RPH3A: variants seen among roughly 807,000 people sequenced by gnomAD.
The protein encoded by RPH3A is rabphilin 3A.
In RPH3A, 48 loss-of-function variants were observed where a neutral mutation model predicts 102.2. The observed-to-expected ratio is 0.47, with a 90% CI of 0.37 to 0.60. The LOEUF (loss-of-function observed/expected upper bound fraction) is 0.60. RPH3A is among the 20% of genes least tolerant of loss of function. RPH3A has a pLI of 0.00. For synonymous variants in RPH3A, 310 were observed against 324.3 expected (o/e 0.96, Z 0.47); for missense variants, 781 against 910.1 (o/e 0.86, Z 1.83).
At chr12:112,698,306 A>C (rs929261908) in intron 1 of RPH3A, among the ~76,000 whole-genome samples, 1 of 152,218 alleles carries the variant, frequency 6.6e-6, no homozygotes, top group Non-Finnish European at 1.5e-5. Context: ...TACAACTACT[A>C]ATAAAAAAAG....
chr12:112,596,216 A>T (rs1350402947), intron 1 of RPH3A, among the ~76,000 whole-genome samples: 1 of 152,160 alleles, frequency 6.6e-6, no homozygotes, highest in Non-Finnish European at 1.5e-5. Flanking sequence ...ATCATGGCTC[A>T]CTGCAGCCTT....
At chr12:112,675,542 T>G (rs2040168668) in intron 1 of RPH3A, among the ~76,000 whole-genome samples, 5 of 152,210 alleles carry the variant, frequency 3.3e-5, no homozygotes, top group Admixed American at 3.3e-4. Flanking sequence ...CTCCTTCTCG[T>G]AGAAGGCAAA....
chr12:112,773,197 G>A (rs1034541201), intron 1 of RPH3A, among the ~76,000 whole-genome samples: 6 of 151,884 alleles, frequency 4.0e-5, no homozygotes, highest in African/African-American at 1.5e-4. Context: ...TGGGCATTTG[G>A]GTTGGTTCCA....
chr12:112,665,723 T>C (rs1021689522), intron 1 of RPH3A, among the ~76,000 whole-genome samples: 11 of 152,188 alleles, frequency 7.2e-5, no homozygotes, highest in African/African-American at 2.7e-4. Flanking sequence ...TATCCTTTCT[T>C]CCCCAATCTC....
chr12:112,631,726 G>A (rs1037480274), intron 1 of RPH3A, among the ~76,000 whole-genome samples: 1 of 151,854 alleles, frequency 6.6e-6, no homozygotes, highest in Non-Finnish European at 1.5e-5. Context: ...CTCTCCTCAT[G>A]TTGCCCAGGC....
intron 2 of RPH3A, among the ~76,000 whole-genome samples, chr12:112,801,867 C>A (rs912455171): frequency 4.6e-5 from 7 of 152,162 alleles, no homozygotes; most frequent in African/African-American, 1.7e-4. Flanking sequence ...TATGTCCCTT[C>A]AAAACAGTAT....
At chr12:112,668,889 A>T (rs1235707321) in intron 1 of RPH3A, among the ~76,000 whole-genome samples, 3 of 152,096 alleles carry the variant, frequency 2.0e-5, no homozygotes, top group Admixed American at 2.0e-4. Context: ...CTGATTCGAC[A>T]TCCTCAGAAC....
intron 3 of RPH3A, chr12:112,831,615 G>T: frequency 2.0e-5 from 5 of 254,742 alleles, no homozygotes; most frequent in Non-Finnish European, 3.1e-5. Context: ...AAATCTTCCT[G>T]AATCTTGGTG....
In RPH3A at chr12:112,747,554, T is replaced by C. The variant is rs143590394; in HGVS notation, c.-139-44589T>C. Among the ~76,000 whole-genome samples, 422 of 152,276 alleles carry C rather than the reference T, an allele frequency of 2.8e-3. 3 individuals are homozygous for C. Among genetic ancestry groups the C allele is most frequent in the African/African-American group, 9.4e-3 (391 of 41,580 alleles). On this transcript the variant is annotated intron_variant, in intron 1 of 21. Coordinates refer to the RPH3A transcript ENST00000543106. ...ATAACTTATTTGCTGATTGAATTAA[T>C]TGCATCTAGAACAGTGCCTGGCACA...
At chr12:112,773,349 G>C (rs755619553) in intron 1 of RPH3A, among the ~76,000 whole-genome samples, 120 of 152,142 alleles carry the variant, frequency 7.9e-4, no homozygotes, top group Middle Eastern at 3.4e-3. Flanking sequence ...TTGGTTCCTT[G>C]GTGCAGAAAA....
chr12:112,825,607 G>A (rs1340371262), intron 2 of RPH3A, among the ~76,000 whole-genome samples: 1 of 152,166 alleles, frequency 6.6e-6, no homozygotes, highest in Admixed American at 6.5e-5. Context: ...GCCTGGCTGA[G>A]TTGAGCCGCA....
intron 13 of RPH3A, among the ~76,000 whole-genome samples, chr12:112,878,608 G>C (rs747423078): frequency 1.3e-5 from 2 of 152,336 alleles, no homozygotes; most frequent in Non-Finnish European, 2.9e-5. Context: ...AATACATTGA[G>C]TGACTATGAT....
chr12:112,836,091 A>G (rs2136168453), intron 3 of RPH3A, among the ~76,000 whole-genome samples: 1 of 152,312 alleles, frequency 6.6e-6, no homozygotes, highest in Non-Finnish European at 1.5e-5. Context: ...GGGAACTACA[A>G]GGTCTACTGT....
intron 1 of RPH3A, among the ~76,000 whole-genome samples, chr12:112,765,525 G>A (rs2040882286): frequency 6.6e-6 from 1 of 152,080 alleles, no homozygotes; most frequent in African/African-American, 2.4e-5. Flanking sequence ...TGAAGTCCTG[G>A]ATTTGTTCCA....
At chr12:112,712,975 T>TTG (rs2040481294) in intron 1 of RPH3A, among the ~76,000 whole-genome samples, 2 of 109,748 alleles carry the variant, frequency 1.8e-5, no homozygotes, top group African/African-American at 6.1e-5. Context: ...TTCTTCTTCT[T>TTG]TCTTCTTCGT....
intron 1 of RPH3A, among the ~76,000 whole-genome samples, chr12:112,736,318 G>T (rs1415127364): frequency 6.6e-6 from 1 of 152,182 alleles, no homozygotes; most frequent in African/African-American, 2.4e-5. Flanking sequence ...CCATTGCTTA[G>T]CCAGTGTTTA....
rs569228737 is a variant in RPH3A, at chr12:112,866,920, T to G, written c.444+80T>G. On this transcript the variant is annotated intron_variant, in intron 7 of 21. Transcript: ENST00000389385. ...TAAGAGGTGCCTTAAGAGGTTTGTA[T>G]GAAAGGACCCAGCTCAGCAGTGAAC... 3 of 1,047,008 alleles carry G rather than the reference T, an allele frequency of 2.9e-6. No individual in the cohort carries two copies. The South Asian group carries it at 4.1e-5, about 14-fold the overall frequency. 64.9% of individuals were successfully genotyped at this position (1,047,008 alleles called of 1,614,324 possible). A position where few individuals can be genotyped will look rare whatever the true frequency, so the allele number is the denominator to read the frequency against.
intron 1 of RPH3A, among the ~76,000 whole-genome samples, chr12:112,750,884 T>G (rs145318847): frequency 1.3e-3 from 200 of 152,266 alleles, no homozygotes; most frequent in African/African-American, 4.6e-3. Context: ...AGAGGGCATC[T>G]AAAGTCAGCC....
intron 1 of RPH3A, among the ~76,000 whole-genome samples, chr12:112,767,404 G>A (rs759194723): frequency 1.8e-4 from 27 of 152,146 alleles, no homozygotes; most frequent in African/African-American, 3.6e-4. Context: ...AGAAGGGCCC[G>A]CCAGGGAAGC....
Sources: gnomAD v4.1 joint callset for allele counts (sites outside exome capture counted in the v4.1 genomes callset) on GRCh38, gnomAD v4.1.1 for gene constraint, MANE v1.5 for transcripts, NCBI Gene and HGNC (gene_info 2026-07-23, HGNC 2026-07-21) for gene names.